The following RAD9A variants were observed in gnomAD, a reference collection of about 807,000 sequenced individuals.
The protein encoded by RAD9A is cell cycle checkpoint control protein RAD9A.
Under a neutral mutation model 41.2 loss-of-function variants are expected in RAD9A, and 25 were observed. The observed-to-expected ratio is 0.61, with a 90% confidence interval of 0.44 to 0.85. The LOEUF (loss-of-function observed/expected upper bound fraction) is 0.85. Ranked by LOEUF, RAD9A falls within the 40% of genes least tolerant of loss-of-function variation. RAD9A has a pLI of 0.00. For synonymous variants in RAD9A, 252 were observed against 210.6 expected (o/e 1.20, Z -1.70); for missense variants, 514 against 518.3 (o/e 0.99, Z 0.08).
chr11:67,392,258 G>A (rs1242206732), intron 2 of RAD9A, 27 bp downstream of exon 2: 2 of 1,319,218 alleles, frequency 1.5e-6, no homozygotes, highest in Non-Finnish European at 2.1e-6. Flanking sequence ...TGGGGGGCGG[G>A]TGGGACTCCA....
intron 3 of RAD9A, 117 bp downstream of exon 3, chr11:67,392,899 A>C (rs1862571001): frequency 1.5e-6 from 2 of 1,361,956 alleles, no homozygotes; most frequent in Non-Finnish European, 2.0e-6. Flanking sequence ...TGCAAGCCCA[A>C]TCCATGCAAA....
chr11:67,392,259 T>TGGGGGGGTTGGGGTGGGGGGGGGGGGG, intron 2 of RAD9A, 28 bp downstream of exon 2: 1 of 484,302 alleles, frequency 2.1e-6, no homozygotes. Context: ...GGGGGGCGGG[T>TGGGGGGGTTGGGGTGGGGGGGGGGGGG]GGGACTCCAG....
chr11:67,396,421 C>A (rs1297770095), intron 9 of RAD9A, 21 bp downstream of exon 9: 1 of 1,609,446 alleles, frequency 6.2e-7, no homozygotes, highest in Non-Finnish European at 8.5e-7. Flanking sequence ...CTCCCCCCAA[C>A]TCCTCCTCTC....
chr11:67,396,510 T>A (rs1367713826), intron 9 of RAD9A, 110 bp downstream of exon 9: 2 of 1,352,912 alleles, frequency 1.5e-6, no homozygotes, highest in Non-Finnish European at 2.0e-6. Flanking sequence ...TCCCGCCCCT[T>A]CTCTTTCTAT....
rs985650125 is a variant in RAD9A, at chr11:67,393,153, G to A, written c.235-343G>A. On this transcript the variant is annotated intron_variant, in intron 3 of 10. Coordinates refer to ENST00000307980, the MANE Select transcript of RAD9A (RefSeq NM_004584.3). ...AAATTAGCTGGGCGTGGTGGCACGC[G>A]CCTGTAATCCCAGCTACTCGGGAGG... is the stretch of plus-strand genomic sequence containing the variant. 89 of 477,440 alleles carry A rather than the reference G, an allele frequency of 1.9e-4. 1 individual carries two copies. The highest frequency in any genetic ancestry group is 1.7e-4 in the Admixed American group (4 of 23,320). The allele number at this position is 477,440 out of a possible 1,614,324, so 29.6% of individuals were successfully genotyped here.
At position 67,397,567 on chromosome 11, in the gene RAD9A, A is replaced by G; in HGVS notation, c.*8A>G. 1 of 1,586,948 alleles carries G rather than the reference A, an allele frequency of 6.3e-7. No homozygotes were observed. Among genetic ancestry groups the G allele is most frequent in the Non-Finnish European group, 8.6e-7 (1 of 1,158,164 alleles). On this transcript the variant is annotated 3_prime_UTR_variant, in exon 11 of 11. Transcript: ENST00000307980. ...AGTGAGGGTGAAGGCTGAACCAAGA[A>G]CCTGAAGCCTGTACCCAGAGGCCTT...
At chr11:67,397,423 G>A (rs773820118) in intron 10 of RAD9A, 37 bp downstream of exon 10, 2 of 1,589,900 alleles carry the variant, frequency 1.3e-6, no homozygotes, top group East Asian at 2.2e-5. Flanking sequence ...TGGGAGGTAG[G>A]GAAGGGAGCA....
Position 67,397,494 on chromosome 11 carries a change from G to A in RAD9A, c.1111G>A (p.Ala371Thr), listed in dbSNP as rs567916241. ...FRSLFFGSIL[A>T]PVRSPQGPSP... ...CTCACTGTTCTTCGGCTCCATCCTG[G>A]CCCCTGTACGCTCCCCCCAGGGCCC... Residue 371 changes from alanine to threonine, a missense_variant, in exon 11 of 11, where the codon GCC (alanine) becomes ACC (threonine). Transcript: ENST00000307980. 2.5e-6 allele frequency: 4 copies of A among 1,612,420 alleles called. No individual in the cohort carries two copies. The highest frequency in any genetic ancestry group is 4.5e-5 in the East Asian group (2 of 44,884).
At position 67,397,218 on chromosome 11, in the gene RAD9A, C is replaced by T. The variant is rs376618262; in HGVS notation, c.912C>T (p.Asp304=). 5 of 1,613,774 alleles carry T rather than the reference C, an allele frequency of 3.1e-6. No homozygotes were observed. The highest frequency in any genetic ancestry group is 4.2e-6 in the Non-Finnish European group (5 of 1,179,904). Residue 304 remains aspartate, a synonymous_variant, in exon 10 of 11, where the codon GAC becomes GAT. Transcript: ENST00000307980. ...HPDDFANDDI[D]SYMIAMETTI... ...ACGACTTTGCCAATGACGACATTGA[C>T]TCTTACATGATCGCCATGGAAACCA... is the stretch of plus-strand genomic sequence containing the variant.
rs755639428 is a variant in RAD9A at position 67,395,808 on chromosome 11, A to G, written c.542A>G (p.Tyr181Cys). 23 of 1,613,780 alleles carry G rather than the reference A, an allele frequency of 1.4e-5. No individual in the cohort carries two copies. The African/African-American group carries it at 1.5e-4, about 10-fold the overall frequency. ...GRGRRVILRSYHEEEADSTAK... is the reference protein window; with the variant it reads ...GRGRRVILRSCHEEEADSTAK... ...GGCCGCAGGGTCATCCTGCGCAGCT[A>G]CCACGAGGAGGAGGCAGGTGAGGGG... Residue 181 changes from tyrosine (Y) to cysteine (C), a missense_variant, in exon 6 of 11, where the codon TAC (tyrosine) becomes TGC (cysteine). By Grantham distance (194) the Tyr-to-Cys change is radical (BLOSUM62 -2). This residue lies in a region of RAD9A where 268 missense variants were observed against 279.3 expected (regional missense o/e 0.96). Transcript: ENST00000307980.
intron 5 of RAD9A, among the ~76,000 whole-genome samples, chr11:67,395,028 C>T (rs1190477854): frequency 2.0e-5 from 3 of 151,690 alleles, no homozygotes; most frequent in Non-Finnish European, 2.9e-5. Flanking sequence ...CAATCTCTGC[C>T]TCCCGGGTTC....
Position 67,397,590 on chromosome 11 carries a change from C to G in RAD9A, c.*31C>G. On this transcript the variant is annotated 3_prime_UTR_variant, in exon 11 of 11. Coordinates refer to ENST00000307980, the MANE Select transcript of RAD9A (RefSeq NM_004584.3). The stretch of plus-strand genomic sequence containing the variant: ...GAACCTGAAGCCTGTACCCAGAGGC[C>G]TTGGACTAGACGAAGCCCCAGCCAG... 6.5e-7 allele frequency: 1 copy of G among 1,540,862 alleles called. No homozygotes were observed. Among genetic ancestry groups the G allele is most frequent in the South Asian group, 1.1e-5 (1 of 88,764 alleles).
intron 8 of RAD9A, 39 bp from the exon 9 acceptor site, chr11:67,396,224 G>A (rs767376911): frequency 2.5e-6 from 4 of 1,614,110 alleles, no homozygotes; most frequent in East Asian, 2.2e-5. Context: ...GGCAGGAGCT[G>A]AATGGGATGA....
At chr11:67,393,264 A>G in intron 3 of RAD9A, 7 of 1,218,876 alleles carry the variant, frequency 5.7e-6, no homozygotes, top group Non-Finnish European at 7.2e-6. Flanking sequence ...TGGGTGACAG[A>G]GCGAGACTCC....
chr11:67,392,059 C>A lies in RAD9A; in HGVS notation c.15C>A (p.Val5=). Residue 5 remains valine, a synonymous_variant, in exon 1 of 11, where the codon GTC becomes GTA. Coordinates refer to ENST00000307980, the MANE Select transcript of RAD9A (RefSeq NM_004584.3). MKCL[V]TGGNVKVLGK... ...GCTGGGGCAGCATGAAGTGCCTGGT[C>A]ACGGGCGGCAACGTGAAGGGTGAGT... 1 of 1,581,642 alleles carries A rather than the reference C, an allele frequency of 6.3e-7. No homozygotes were observed. The highest frequency in any genetic ancestry group is 8.6e-7 in the Non-Finnish European group (1 of 1,165,834).
intron 7 of RAD9A, 39 bp downstream of exon 7, chr11:67,396,060 T>C: frequency 6.2e-7 from 1 of 1,613,382 alleles, no homozygotes; most frequent in Non-Finnish European, 8.5e-7. Flanking sequence ...CTGTCCTCCC[T>C]GCCCAGCTCA....
chr11:67,394,917 C>T (rs753634954), intron 5 of RAD9A, among the ~76,000 whole-genome samples: 3 of 152,008 alleles, frequency 2.0e-5, no homozygotes, highest in Non-Finnish European at 4.4e-5. Flanking sequence ...CACTCAGTCT[C>T]TTTTTTTAAA....
intron 2 of RAD9A, 24 bp downstream of exon 2, chr11:67,392,255 C>CTTGGGGGGGGGGGGG: frequency 2.2e-6 from 1 of 453,532 alleles, no homozygotes; most frequent in Non-Finnish European, 4.3e-6. Context: ...GTGTGGGGGG[C>CTTGGGGGGGGGGGGG]GGGTGGGACT....
chr11:67,395,773 C>A lies in RAD9A; in HGVS notation c.507C>A (p.Gly169=). The change falls in exon 6 of 11, where the codon GGC becomes GGA. Residue 169 remains glycine (G), a synonymous_variant. Coordinates refer to ENST00000307980, the MANE Select transcript of RAD9A (RefSeq NM_004584.3). ...FSPALAEVTL[G]IGRGRRVILR... ...CTGCACTGGCTGAAGTGACGCTGGG[C>A]ATTGGCCGTGGCCGCAGGGTCATCC... 1 of 1,613,822 alleles carries A rather than the reference C, an allele frequency of 6.2e-7. No homozygotes were observed. The highest frequency in any genetic ancestry group is 1.1e-5 in the South Asian group (1 of 91,070).
Sources: allele counts gnomAD v4.1 joint callset (sites outside exome capture counted in the v4.1 genomes callset), GRCh38; gene constraint gnomAD v4.1.1; regional missense constraint gnomAD v4.1.1; transcripts MANE v1.5; gene names NCBI Gene and HGNC (gene_info 2026-07-23, HGNC 2026-07-21).